AKAP19: variants seen among roughly 807,000 people sequenced by gnomAD.
AKAP19 encodes the protein A-kinase anchoring protein 19, also known as small A-kinase anchoring protein.
At chr2:190,184,016 C>T in the AKAP19 span, among the ~76,000 whole-genome samples, 1 of 152,036 alleles carries the variant, frequency 6.6e-6, no homozygotes, top group African/African-American at 2.4e-5. Flanking sequence ...CTATGCACAA[C>T]ATGCACTAAG....
chr2:189,982,358 G>GT, the AKAP19 span, among the ~76,000 whole-genome samples: 1 of 151,508 alleles, frequency 6.6e-6, no homozygotes, highest in Admixed American at 6.6e-5. Flanking sequence ...AGTTTTCTTT[G>GT]TTTTTTTCTT....
chr2:190,164,773 C>T, the AKAP19 span, among the ~76,000 whole-genome samples: 2 of 152,096 alleles, frequency 1.3e-5, no homozygotes, highest in African/African-American at 2.4e-5. Context: ...TATGGAAAAA[C>T]TTTCATAGGC....
At chr2:189,923,610 G>A in the AKAP19 span, 15 of 1,614,108 alleles carry the variant, frequency 9.3e-6, no homozygotes, top group Non-Finnish European at 1.2e-5. Context: ...AAAGTGAACC[G>A]AGGAAAAGCA....
At chr2:190,199,660 C>G in the AKAP19 span, 12 of 1,338,246 alleles carry the variant, frequency 9.0e-6, no homozygotes, top group Admixed American at 2.1e-4. Context: ...ATTTTGCATT[C>G]TGTAACTTCA....
the AKAP19 span, among the ~76,000 whole-genome samples, chr2:190,167,966 G>C: frequency 1.3e-5 from 2 of 152,234 alleles, no homozygotes; most frequent in South Asian, 4.1e-4. Context: ...TCCACCAGGT[G>C]GTGCCCCAGT....
At chr2:190,089,591 C>T in the AKAP19 span, 1 of 152,124 alleles carries the variant, frequency 6.6e-6, no homozygotes. Flanking sequence ...TAGACTAGTT[C>T]ATATATCCAA....
the AKAP19 span, among the ~76,000 whole-genome samples, chr2:189,934,313 T>TA: frequency 1.3e-5 from 2 of 152,084 alleles, no homozygotes; most frequent in Non-Finnish European, 2.9e-5. Context: ...ACGTCATTTG[T>TA]AAAAACTGCC....
chr2:190,098,032 AC>A, the AKAP19 span, among the ~76,000 whole-genome samples: 1 of 151,938 alleles, frequency 6.6e-6, no homozygotes, highest in African/African-American at 2.4e-5. Flanking sequence ...GAAGTCTTAA[AC>A]CCCCCAAAGT....
At chr2:190,124,099 C>CTA in the AKAP19 span, among the ~76,000 whole-genome samples, 1 of 152,188 alleles carries the variant, frequency 6.6e-6, no homozygotes, top group Non-Finnish European at 1.5e-5. Context: ...GGCTTTCAGA[C>CTA]TATGAGCCAT....
the AKAP19 span, among the ~76,000 whole-genome samples, chr2:189,993,680 TC>T: frequency 6.6e-6 from 1 of 152,152 alleles, no homozygotes; most frequent in South Asian, 2.1e-4. Flanking sequence ...ATTGTTTCAA[TC>T]TCATTACTTG....
chr2:190,184,338 G>GC, the AKAP19 span, among the ~76,000 whole-genome samples: 4 of 152,180 alleles, frequency 2.6e-5, no homozygotes, highest in Non-Finnish European at 4.4e-5. Context: ...AAACACTACT[G>GC]CAAGTTTGTA....
chr2:190,110,092 T>C, the AKAP19 span, among the ~76,000 whole-genome samples: 1 of 152,138 alleles, frequency 6.6e-6, no homozygotes, highest in Non-Finnish European at 1.5e-5. Flanking sequence ...AACCACATAT[T>C]GAAAACACTA....
At chr2:190,101,921 A>T in the AKAP19 span, among the ~76,000 whole-genome samples, 1 of 152,184 alleles carries the variant, frequency 6.6e-6, no homozygotes, top group African/African-American at 2.4e-5. Flanking sequence ...TACATGAAAC[A>T]TTCTCCAAGG....
chr2:190,164,664 A>G, the AKAP19 span, among the ~76,000 whole-genome samples: 1 of 152,228 alleles, frequency 6.6e-6, no homozygotes, highest in South Asian at 2.1e-4. Flanking sequence ...TGCTTCAGTT[A>G]AGAATTATTT....
the AKAP19 span, among the ~76,000 whole-genome samples, chr2:190,129,184 A>G: frequency 6.6e-6 from 1 of 152,174 alleles, no homozygotes; most frequent in East Asian, 1.9e-4. Context: ...CCATTTACTG[A>G]TGCCTCATAA....
At chr2:190,017,345 T>C in the AKAP19 span, among the ~76,000 whole-genome samples, 1 of 152,172 alleles carries the variant, frequency 6.6e-6, no homozygotes, top group East Asian at 1.9e-4. Context: ...TTTATTTTGC[T>C]TTTTTCTGTG....
chr2:190,132,916 G>A, the AKAP19 span, among the ~76,000 whole-genome samples: 170 of 152,094 alleles, frequency 1.1e-3, no homozygotes, highest in African/African-American at 3.9e-3. Context: ...AAATATATAA[G>A]CAACTCAAAC....
chr2:190,072,089 C>T, the AKAP19 span, among the ~76,000 whole-genome samples: 8,101 of 152,158 alleles, frequency 0.053, 738 homozygotes, highest in African/African-American at 0.18. Flanking sequence ...TAAAAAAGAA[C>T]GAAATCATGT....
the AKAP19 span, among the ~76,000 whole-genome samples, chr2:189,922,776 A>G: frequency 2.6e-5 from 4 of 152,312 alleles, no homozygotes; most frequent in African/African-American, 4.8e-5. Flanking sequence ...GGCCCTAACC[A>G]TATTTTTAAA....
Sources: allele counts gnomAD v4.1 joint callset (sites outside exome capture counted in the v4.1 genomes callset), GRCh38; gene constraint gnomAD v4.1.1; transcripts MANE v1.5; gene names NCBI Gene and HGNC (gene_info 2026-07-23, HGNC 2026-07-21).